The following RFC3 variants were observed in gnomAD, a reference collection of about 807,000 sequenced individuals.
RFC3 encodes the protein A1 38 kDa subunit.
Under a neutral mutation model 45.1 loss-of-function variants are expected in RFC3, and 41 were observed. The observed-to-expected ratio is 0.91, with a 90% CI of 0.71 to 1.18. The LOEUF (loss-of-function observed/expected upper bound fraction) is 1.18, where lower values mean the gene tolerates loss of function less well. Among genes scored for constraint, RFC3 ranks in the 50% most tolerant of loss-of-function variants. The pLI, the probability that RFC3 is intolerant of heterozygous loss-of-function variation, is 0.00. For synonymous variants in RFC3, 149 were observed against 144.0 expected (o/e 1.03, Z -0.25); for missense variants, 423 against 428.1 (o/e 0.99, Z 0.10).
intron 1 of RFC3, 71 bp from the exon 2 acceptor site, chr13:33,821,061 A>G: frequency 1.4e-6 from 2 of 1,467,608 alleles, no homozygotes; most frequent in Non-Finnish European, 1.9e-6. Context: ...TTTGTTACTT[A>G]AAAAGTAGTT....
chr13:33,829,952 A>C lies in RFC3; in HGVS notation c.508A>C (p.Lys170Gln). The C allele has an allele frequency of 6.2e-7, 1 of 1,614,170 alleles. No individual in the cohort carries two copies. Among genetic ancestry groups the C allele is most frequent in the East Asian group, 2.2e-5 (1 of 44,886 alleles). Residue 170 changes from lysine (K) to glutamine (Q), a missense_variant, in exon 5 of 9, where the codon AAA becomes CAA. Physicochemically the swap from Lys to Gln is moderately conservative, Grantham distance 53 (BLOSUM62 1). Transcript: ENST00000380071. ...RLILCCNSTS[K>Q]VIPPIRSRCL... ...GATCTTGTGCTGCAATTCTACATCT[A>C]AAGTGATCCCACCTATTCGTAGTAG... is the stretch of plus-strand genomic sequence containing the variant.
At chr13:33,900,866 A>G (rs1227218205) in intron 8 of RFC3, among the ~76,000 whole-genome samples, 1 of 151,648 alleles carries the variant, frequency 6.6e-6, no homozygotes. Flanking sequence ...ATAATAATCC[A>G]ATTGAAAATG....
chr13:33,886,650 A>ATTT (rs200910228), intron 8 of RFC3, among the ~76,000 whole-genome samples: 2,965 of 147,620 alleles, frequency 0.02, 102 homozygotes, highest in Admixed American at 0.08. Flanking sequence ...TATTATTATT[A>ATTT]TACTTTAAGT....
At chr13:33,871,409 T>C (rs964187143) in intron 8 of RFC3, among the ~76,000 whole-genome samples, 5 of 152,132 alleles carry the variant, frequency 3.3e-5, no homozygotes, top group African/African-American at 1.2e-4. Flanking sequence ...TGGTTAATGA[T>C]CCCTTCCTCG....
intron 8 of RFC3, among the ~76,000 whole-genome samples, chr13:33,936,709 A>G (rs1263654271): frequency 6.6e-6 from 1 of 152,130 alleles, no homozygotes; most frequent in African/African-American, 2.4e-5. Context: ...AAAGTCCTTA[A>G]AAGGAAGCAA....
chr13:33,890,013 C>A (rs2082553641), intron 8 of RFC3, among the ~76,000 whole-genome samples: 1 of 152,086 alleles, frequency 6.6e-6, no homozygotes, highest in African/African-American at 2.4e-5. Flanking sequence ...GTTCAACGGT[C>A]CTGACTTCAT....
At chr13:33,922,139 C>T (rs1363037690) in intron 8 of RFC3, among the ~76,000 whole-genome samples, 1 of 147,014 alleles carries the variant, frequency 6.8e-6, no homozygotes, top group Non-Finnish European at 1.5e-5. Flanking sequence ...TTAGAAGCCT[C>T]AGCTTCATTG....
At chr13:33,854,698 C>T (rs2082297955) in intron 8 of RFC3, among the ~76,000 whole-genome samples, 1 of 151,890 alleles carries the variant, frequency 6.6e-6, no homozygotes, top group South Asian at 2.1e-4. Context: ...ATCTAGGGCA[C>T]CATCAAGGGC....
chr13:33,823,869 A>G (rs989214678), intron 2 of RFC3, 48 bp from the exon 3 acceptor site: 5 of 953,812 alleles, frequency 5.2e-6, no homozygotes, highest in Non-Finnish European at 8.1e-6. Flanking sequence ...AAGAGTGGGG[A>G]AATAGGCAAT....
At chr13:33,837,888 A>G (rs1228667762), downstream of RFC3, among the ~76,000 whole-genome samples, 1 of 151,914 alleles carries the variant, frequency 6.6e-6, no homozygotes, top group Non-Finnish European at 1.5e-5. Flanking sequence ...AAATGTTGAT[A>G]TTTTAGGTTT....
intron 8 of RFC3, among the ~76,000 whole-genome samples, chr13:33,936,975 C>T (rs1375392115): frequency 6.6e-6 from 1 of 152,064 alleles, no homozygotes; most frequent in Non-Finnish European, 1.5e-5. Context: ...GTTCTCACCA[C>T]AAAAAATCAA....
downstream of RFC3, among the ~76,000 whole-genome samples, chr13:33,968,192 A>G (rs1006647169): frequency 2.0e-5 from 3 of 152,014 alleles, no homozygotes; most frequent in African/African-American, 7.2e-5. Context: ...CAGTGATGCG[A>G]TCTCAGCTCA....
chr13:33,895,553 G>A (rs370498076), intron 8 of RFC3, among the ~76,000 whole-genome samples: 29 of 152,298 alleles, frequency 1.9e-4, no homozygotes, highest in African/African-American at 7.0e-4. Context: ...ATGTAAATTA[G>A]TGTAACCTCT....
At chr13:33,969,949 C>T (rs1161416998), downstream of RFC3, among the ~76,000 whole-genome samples, 6 of 148,234 alleles carry the variant, frequency 4.0e-5, no homozygotes, top group Admixed American at 1.3e-4. Context: ...TTTTATGTTC[C>T]GGGGTACATG....
chr13:33,932,224 G>T (rs1009779308), intron 8 of RFC3, among the ~76,000 whole-genome samples: 2 of 152,070 alleles, frequency 1.3e-5, no homozygotes, highest in African/African-American at 4.8e-5. Context: ...CGTAGCTAAA[G>T]AACACATTTT....
At chr13:33,846,200 G>C (rs1403781669) in intron 8 of RFC3, 1 of 152,204 alleles carries the variant, frequency 6.6e-6, no homozygotes, top group Non-Finnish European at 1.5e-5. Flanking sequence ...CTACCACTGG[G>C]ACTGTGCTAT....
intron 4 of RFC3, among the ~76,000 whole-genome samples, chr13:33,827,164 T>C (rs566676729): frequency 3.7e-4 from 57 of 152,292 alleles, no homozygotes; most frequent in African/African-American, 1.2e-3. Context: ...TGGCTTATGC[T>C]AGCAATCCCA....
Position 33,843,331 on chromosome 13 carries a change from A to C in RFC3, c.879+8114A>C, listed in dbSNP as rs553642212. On this transcript the variant is annotated intron_variant, in intron 8 of 8. Transcript: ENST00000434425. ...ACTTTCCTCTCTGCAGCTTTGCAAA[A>C]ATAGTGGTCTCCACAAACCTCAGCT... Among the ~76,000 whole-genome samples the C allele has an allele frequency of 9.2e-5, 14 of 152,318 alleles. No homozygotes were observed. In the East Asian group the frequency reaches 2.7e-3, roughly 29 times the overall value.
intron 8 of RFC3, among the ~76,000 whole-genome samples, chr13:33,951,526 C>T (rs558830365): frequency 2.2e-4 from 34 of 152,146 alleles, no homozygotes; most frequent in Admixed American, 2.2e-3. Context: ...GCCACCACAC[C>T]CAGCTGTAAA....
Sources: allele counts gnomAD v4.1 joint callset (sites outside exome capture counted in the v4.1 genomes callset), GRCh38; gene constraint gnomAD v4.1.1; transcripts MANE v1.5; gene names NCBI Gene and HGNC (gene_info 2026-07-23, HGNC 2026-07-21).